CDYL: variants seen among roughly 807,000 people sequenced by gnomAD.
CDYL encodes the protein chromodomain Y like, also known as chromodomain Y-like protein.
A neutral mutation model predicts 47.3 loss-of-function variants in CDYL; 8 were observed. The ratio of observed to expected loss-of-function variants is 0.17; its 90% CI spans 0.10 to 0.31. CDYL has a LOEUF of 0.31. Among genes scored for constraint, CDYL ranks in the 10% least tolerant of loss-of-function variants. CDYL has a pLI of 1.00. For missense variants in CDYL, 471 were observed against 701.4 expected (o/e 0.67, Z 3.71); for synonymous variants, 266 against 265.0 (o/e 1.00, Z -0.04).
At chr6:4,909,927 T>C (rs185182370) in intron 2 of CDYL, among the ~76,000 whole-genome samples, 2 of 152,290 alleles carry the variant, frequency 1.3e-5, no homozygotes, top group East Asian at 3.9e-4. Flanking sequence ...GGCCTTTCAT[T>C]GCTTACTGGG....
chr6:4,897,122 C>G (rs140062418), intron 2 of CDYL, among the ~76,000 whole-genome samples: 1 of 152,172 alleles, frequency 6.6e-6, no homozygotes, highest in East Asian at 1.9e-4. Context: ...ATGAATTAAT[C>G]CTACAAAAGA....
chr6:4,879,563 T>G (rs1435684344), intron 1 of CDYL, among the ~76,000 whole-genome samples: 1 of 146,334 alleles, frequency 6.8e-6, no homozygotes, highest in African/African-American at 2.5e-5. Context: ...TTTTTTTTTT[T>G]TTTTTTTTTT....
chr6:4,788,644 C>G (rs765947753), intron 1 of CDYL, among the ~76,000 whole-genome samples: 55 of 152,020 alleles, frequency 3.6e-4, no homozygotes, highest in South Asian at 2.7e-3. Flanking sequence ...CCACCCCTCC[C>G]CCACCATATT....
chr6:4,832,924 C>T (rs1760189442), intron 1 of CDYL, among the ~76,000 whole-genome samples: 1 of 151,798 alleles, frequency 6.6e-6, no homozygotes, highest in Admixed American at 6.6e-5. Flanking sequence ...GTGGTGATAT[C>T]CCCTTTATCA....
At chr6:4,909,629 G>C (rs370848311) in intron 2 of CDYL, among the ~76,000 whole-genome samples, 7 of 152,190 alleles carry the variant, frequency 4.6e-5, no homozygotes, top group Middle Eastern at 3.4e-3. Context: ...GAGTGCAGTA[G>C]CACCATCTCA....
intron 1 of CDYL, among the ~76,000 whole-genome samples, chr6:4,834,633 T>G (rs1292431777): frequency 1.3e-4 from 20 of 152,056 alleles, no homozygotes; most frequent in African/African-American, 4.8e-4. Flanking sequence ...CTTGCTAGAT[T>G]GGGGAAGTTC....
intron 3 of CDYL, among the ~76,000 whole-genome samples, chr6:4,739,538 T>C (rs12662327): frequency 0.18 from 25,526 of 141,978 alleles, 2,545 homozygotes; most frequent in East Asian, 0.27. Context: ...AAAAAAAAAG[T>C]TGAGTAAAAA....
intron 1 of CDYL, among the ~76,000 whole-genome samples, chr6:4,806,276 G>A (rs1182544369): frequency 6.6e-6 from 1 of 152,204 alleles, no homozygotes; most frequent in Non-Finnish European, 1.5e-5. Context: ...GCGTCACCCA[G>A]GATTTCAGAG....
At position 4,716,009 on chromosome 6, in the gene CDYL, G is replaced by A; in HGVS notation, c.103+128G>A. The stretch of plus-strand genomic sequence containing the variant: ...CACGCCTATAATCCCAGCACTTTGG[G>A]AGGCCGAGGCGGGCGGATCATGAGG... On this transcript the variant is annotated intron_variant, in intron 2 of 8. Coordinates refer to the CDYL transcript ENST00000328908. The A allele has an allele frequency of 2.9e-6, 4 of 1,387,700 alleles. No individual in the cohort carries two copies. The South Asian group carries it at 4.4e-5, about 15-fold the overall frequency. 86.0% of individuals were successfully genotyped at this position (1,387,700 alleles called of 1,614,324 possible). A position where few individuals can be genotyped will look rare whatever the true frequency, so the allele number is the denominator to read the frequency against.
intron 1 of CDYL, among the ~76,000 whole-genome samples, chr6:4,794,596 A>C (rs1759018606): frequency 6.6e-6 from 1 of 152,096 alleles, no homozygotes; most frequent in African/African-American, 2.4e-5. Flanking sequence ...GAGGGCCAGG[A>C]GAGAGAGAGT....
At chr6:4,952,204 A>G (rs999815037) in intron 5 of CDYL, 62 bp from the exon 6 acceptor site, 3 of 1,562,538 alleles carry the variant, frequency 1.9e-6, no homozygotes, top group Admixed American at 1.8e-5. Flanking sequence ...ATTTTAAGGG[A>G]TGGGTCTTCC....
chr6:4,930,536 C>T (rs1182133504), intron 2 of CDYL, among the ~76,000 whole-genome samples: 1 of 152,184 alleles, frequency 6.6e-6, no homozygotes, highest in African/African-American at 2.4e-5. Context: ...GAACATTGCC[C>T]TGCACAGCCT....
At chr6:4,799,018 G>A (rs1049850858) in intron 1 of CDYL, among the ~76,000 whole-genome samples, 2 of 152,076 alleles carry the variant, frequency 1.3e-5, no homozygotes, top group African/African-American at 4.8e-5. Flanking sequence ...GTTTCTTAAG[G>A]TGGAAGTTTA....
chr6:4,782,430 G>A (rs1758641681), intron 1 of CDYL, among the ~76,000 whole-genome samples: 1 of 152,026 alleles, frequency 6.6e-6, no homozygotes, highest in Admixed American at 6.6e-5. Flanking sequence ...CCTCCCCTAA[G>A]CATTATGCCT....
At chr6:4,952,897 A>G (rs1777994425) in intron 6 of CDYL, among the ~76,000 whole-genome samples, 1 of 151,998 alleles carries the variant, frequency 6.6e-6, no homozygotes, top group Admixed American at 6.6e-5. Context: ...CCTCCCGAGT[A>G]GCTGGGACTA....
intron 1 of CDYL, among the ~76,000 whole-genome samples, chr6:4,788,337 T>G (rs1758814006): frequency 6.6e-6 from 1 of 151,406 alleles, no homozygotes; most frequent in Admixed American, 6.6e-5. Context: ...TAAACAAAAA[T>G]TTAGCCAAGT....
At chr6:4,858,201 A>G (rs1369875699) in intron 1 of CDYL, among the ~76,000 whole-genome samples, 1 of 152,076 alleles carries the variant, frequency 6.6e-6, no homozygotes. Flanking sequence ...CTTTAAAAAG[A>G]TTTTTTTGGT....
chr6:4,879,807 G>T (rs746962555), intron 1 of CDYL, among the ~76,000 whole-genome samples: 1 of 152,114 alleles, frequency 6.6e-6, no homozygotes, highest in South Asian at 2.1e-4. Flanking sequence ...TGATCTGCCC[G>T]CCTCGGCCTC....
intron 2 of CDYL, among the ~76,000 whole-genome samples, chr6:4,895,021 A>G (rs111208300): frequency 0.04 from 6,107 of 151,514 alleles, 458 homozygotes; most frequent in African/African-American, 0.14. Flanking sequence ...ACATATATGT[A>G]TGTATGTGTA....
Sources: gnomAD v4.1 joint callset for allele counts (sites outside exome capture counted in the v4.1 genomes callset) on GRCh38, gnomAD v4.1.1 for gene constraint, MANE v1.5 for transcripts, NCBI Gene and HGNC (gene_info 2026-07-23, HGNC 2026-07-21) for gene names.